The following SLC11A2 variants were observed in gnomAD, a reference collection of about 807,000 sequenced individuals.
SLC11A2 encodes the protein natural resistance-associated macrophage protein 2.
In SLC11A2, 38 loss-of-function variants were observed where a neutral mutation model predicts 68.0. The observed-to-expected ratio is 0.56, with a 90% CI of 0.43 to 0.73. The LOEUF (loss-of-function observed/expected upper bound fraction) is 0.73. SLC11A2 is among the 30% of genes least tolerant of loss of function. The pLI, the probability that SLC11A2 is intolerant of heterozygous loss-of-function variation, is 0.00. For missense variants in SLC11A2, 517 were observed against 690.5 expected, an observed-to-expected ratio of 0.75 and a Z score of 2.82; for synonymous variants, 242 against 250.6, an observed-to-expected ratio of 0.97 and a Z score of 0.32.
Position 50,992,457 on chromosome 12 carries a change from G to A in SLC11A2, c.1198-118C>T, listed in dbSNP as rs149458377. On this transcript the variant is annotated intron_variant, in intron 12 of 15. Transcript: ENST00000262052. Reference sequence around the variant, plus strand: ...TAAGAAGTGACAAAAGGGGCCAGGCGCAGTGGCTCACGCCTGTAATCCCAG... The same window carrying A: ...TAAGAAGTGACAAAAGGGGCCAGGCACAGTGGCTCACGCCTGTAATCCCAG... 4,453 of 945,888 alleles carry A rather than the reference G, an allele frequency of 4.7e-3. 215 individuals are homozygous for A. In the Admixed American group the frequency reaches 0.082, roughly 17 times the overall value. 58.6% of individuals were successfully genotyped at this position (945,888 alleles called of 1,614,324 possible).
the SLC11A2 span, among the ~76,000 whole-genome samples, chr12:50,958,046 T>C: frequency 6.6e-6 from 1 of 150,966 alleles, no homozygotes; most frequent in Non-Finnish European, 1.5e-5. Flanking sequence ...CCTCAAGTGA[T>C]ATGCCTGCCT....
the SLC11A2 span, among the ~76,000 whole-genome samples, chr12:50,955,483 G>A: frequency 6.6e-6 from 1 of 152,050 alleles, no homozygotes; most frequent in Non-Finnish European, 1.5e-5. Context: ...CTGTTTCCTT[G>A]TGTTCATTTT....
the SLC11A2 span, among the ~76,000 whole-genome samples, chr12:50,961,808 G>T: frequency 6.6e-6 from 1 of 152,130 alleles, no homozygotes; most frequent in African/African-American, 2.4e-5. Flanking sequence ...GTCATCCTGC[G>T]TAGGATGGAA....
chr12:50,995,738 T>C lies in SLC11A2; in HGVS notation c.881A>G (p.Lys294Arg). 6.2e-7 allele frequency: 1 copy of C among 1,614,068 alleles called. No individual in the cohort carries two copies. The highest frequency in any genetic ancestry group is 8.5e-7 in the Non-Finnish European group (1 of 1,179,932). The change falls in exon 10 of 16, where the codon AAG (lysine) becomes AGG (arginine). Residue 294 changes from lysine (K) to arginine (R), a missense_variant. Coordinates refer to ENST00000262052, the MANE Select transcript of SLC11A2 (RefSeq NM_000617.3). ...AATGCAGGATTCAATGAAAAAGTAC[T>C]TATTGGCTTCTCGAACTTCCTGCTT... ...NNKQEVREAN[K>R]YFFIESCIAL...
chr12:50,963,713 TAAG>T, the SLC11A2 span, among the ~76,000 whole-genome samples: 1 of 152,166 alleles, frequency 6.6e-6, no homozygotes, highest in East Asian at 1.9e-4. Flanking sequence ...CTTCCAGACA[TAAG>T]AAGAATTCGA....
intron 3 of SLC11A2, chr12:51,006,375 C>G (rs1015650641): frequency 6.5e-6 from 1 of 154,278 alleles, no homozygotes; most frequent in Admixed American, 6.5e-5. Context: ...GTAGCAATAA[C>G]ATGCTAAATT....
downstream of SLC11A2, chr12:50,985,979 C>A: frequency 8.8e-7 from 1 of 1,136,736 alleles, no homozygotes; most frequent in Non-Finnish European, 1.1e-6. Flanking sequence ...AAAAAAATAC[C>A]CAGGAAACCA....
At chr12:50,965,287 A>G in the SLC11A2 span, among the ~76,000 whole-genome samples, 1 of 134,566 alleles carries the variant, frequency 7.4e-6, no homozygotes, top group African/African-American at 2.8e-5. Flanking sequence ...CTAATTTTTA[A>G]TTTTTTTTTT....
chr12:51,003,818 T>G (rs758019404), intron 5 of SLC11A2, among the ~76,000 whole-genome samples: 1 of 150,456 alleles, frequency 6.6e-6, no homozygotes, highest in Non-Finnish European at 1.5e-5. Flanking sequence ...TGCTCGCCTG[T>G]GGTCCCAGCT....
chr12:50,998,351 G>A (rs1482038538), intron 8 of SLC11A2, among the ~76,000 whole-genome samples: 4 of 152,152 alleles, frequency 2.6e-5, no homozygotes, highest in African/African-American at 4.8e-5. Context: ...ACAGAGCAAC[G>A]CTCTGGCTCA....
At position 51,026,295 on chromosome 12, in the gene SLC11A2, T is replaced by G; in HGVS notation, c.-39+15A>C. On this transcript the variant is annotated intron_variant, in intron 1 of 15. Transcript: ENST00000262052. ...GAGCGGAATGCCGTGACCCCTGACC[T>G]TGCCTTCCCCTCACCTTACCAGCTC... 1 of 1,247,088 alleles carries G rather than the reference T, an allele frequency of 8.0e-7. No homozygotes were observed. Among genetic ancestry groups the G allele is most frequent in the South Asian group, 1.3e-5 (1 of 79,602 alleles). The allele number at this position is 1,247,088 out of a possible 1,614,324, so 77.3% of individuals were successfully genotyped here.
the SLC11A2 span, among the ~76,000 whole-genome samples, chr12:50,972,426 C>A: frequency 2.0e-5 from 3 of 152,284 alleles, no homozygotes; most frequent in East Asian, 3.9e-4. Context: ...AATCATTTCC[C>A]AGAACCAGAA....
Position 50,987,983 on chromosome 12 carries a change from T to C in SLC11A2, c.*342A>G. 2.3e-6 allele frequency: 3 copies of C among 1,306,384 alleles called. No individual in the cohort carries two copies. In the South Asian group the frequency reaches 3.7e-5, roughly 16 times the overall value. 80.9% of individuals were successfully genotyped at this position (1,306,384 alleles called of 1,614,324 possible). A position where few individuals can be genotyped will look rare whatever the true frequency, so the allele number is the denominator to read the frequency against. ...AAAAATGTATTGCATTTTCCAATTT[T>C]TTTTTAACATATAGCCTGGTTAAGA... On this transcript the variant is annotated 3_prime_UTR_variant, in exon 16 of 16. Coordinates refer to ENST00000262052, the MANE Select transcript of SLC11A2 (RefSeq NM_000617.3).
chr12:51,015,495 T>G (rs1943578034), intron 1 of SLC11A2, among the ~76,000 whole-genome samples: 1 of 140,390 alleles, frequency 7.1e-6, no homozygotes, highest in African/African-American at 2.7e-5. Context: ...AATAATTAAA[T>G]AGTTAAAAAA....
chr12:50,953,897 C>CA, the SLC11A2 span: 14 of 650,306 alleles, frequency 2.2e-5, no homozygotes, highest in South Asian at 8.8e-5. Context: ...CAAATGAAAA[C>CA]AAAAAAACAC....
chr12:50,975,675 C>T (rs1939838713), downstream of SLC11A2, among the ~76,000 whole-genome samples: 1 of 152,000 alleles, frequency 6.6e-6, no homozygotes, highest in South Asian at 2.1e-4. Flanking sequence ...ACAGAAAAAA[C>T]CCTTCAAAAA....
chr12:50,982,532 C>G (rs1940124186), downstream of SLC11A2, among the ~76,000 whole-genome samples: 1 of 152,154 alleles, frequency 6.6e-6, no homozygotes, highest in Admixed American at 6.5e-5. Flanking sequence ...GAGGCTGAGG[C>G]AGGAGAATCA....
At chr12:51,028,484 T>TTTTA (rs1944470566), upstream of SLC11A2, 1 of 409,544 alleles carries the variant, frequency 2.4e-6, no homozygotes, top group African/African-American at 2.0e-5. Flanking sequence ...AGTTCAAAAA[T>TTTTA]TTTATTCTAA....
chr12:50,990,758 T>C, intron 15 of SLC11A2, 37 bp downstream of exon 15: 1 of 1,611,468 alleles, frequency 6.2e-7, no homozygotes, highest in Non-Finnish European at 8.5e-7. Context: ...CAACCATCCC[T>C]GATACCTATG....
Sources: gnomAD v4.1 joint callset for allele counts (sites outside exome capture counted in the v4.1 genomes callset) on GRCh38, gnomAD v4.1.1 for gene constraint, MANE v1.5 for transcripts, NCBI Gene and HGNC (gene_info 2026-07-23, HGNC 2026-07-21) for gene names.